KIAA1549: variants seen among roughly 807,000 people sequenced by gnomAD.
KIAA1549 encodes the protein UPF0606 protein KIAA1549.
KIAA1549 carries 70 observed loss-of-function variants against 156.4 expected under a neutral mutation model. That is an observed-to-expected ratio of 0.45 (90% CI 0.37 to 0.55). KIAA1549 has a LOEUF of 0.55. Ranked by LOEUF, KIAA1549 falls within the 20% of genes least tolerant of loss-of-function variation. The pLI, the probability that KIAA1549 is intolerant of heterozygous loss-of-function variation, is 0.00. For synonymous variants in KIAA1549, 1,103 were observed against 1,066.4 expected, an observed-to-expected ratio of 1.03 and a Z score of -0.67; for missense variants, 2,428 against 2,540.9, an observed-to-expected ratio of 0.96 and a Z score of 0.96.
chr7:138,925,346 C>CT (rs1483123669), intron 1 of KIAA1549, among the ~76,000 whole-genome samples: 1 of 152,030 alleles, frequency 6.6e-6, no homozygotes, highest in Admixed American at 6.6e-5. Context: ...TTAATAGATC[C>CT]TTTAAGACCT....
intron 10 of KIAA1549, among the ~76,000 whole-genome samples, chr7:138,888,426 G>C (rs1356247484): frequency 2.0e-5 from 3 of 152,202 alleles, no homozygotes; most frequent in African/African-American, 7.2e-5. Flanking sequence ...TTGAATGCAA[G>C]TCACTTGTTC....
At chr7:138,947,321 T>C (rs1813367672) in intron 1 of KIAA1549, among the ~76,000 whole-genome samples, 1 of 152,186 alleles carries the variant, frequency 6.6e-6, no homozygotes, top group Non-Finnish European at 1.5e-5. Flanking sequence ...GTACATCACT[T>C]AATTTCCCCA....
chr7:138,887,274 A>G (rs1256931715), intron 10 of KIAA1549, among the ~76,000 whole-genome samples: 1 of 152,130 alleles, frequency 6.6e-6, no homozygotes, highest in African/African-American at 2.4e-5. Context: ...ATTTAAATTA[A>G]TTATTAAATA....
chr7:138,853,169 T>C (rs1053916906), intron 16 of KIAA1549, among the ~76,000 whole-genome samples: 3 of 152,226 alleles, frequency 2.0e-5, no homozygotes, highest in Non-Finnish European at 4.4e-5. Flanking sequence ...CGGCAGTCAG[T>C]TGGAACCAAT....
At chr7:138,922,002 C>A (rs987856993) in intron 1 of KIAA1549, among the ~76,000 whole-genome samples, 3 of 152,190 alleles carry the variant, frequency 2.0e-5, no homozygotes, top group Non-Finnish European at 4.4e-5. Flanking sequence ...CAGCAAATCA[C>A]CAGCAGCTAG....
chr7:138,939,993 T>A (rs1045522227), intron 1 of KIAA1549, among the ~76,000 whole-genome samples: 3 of 151,414 alleles, frequency 2.0e-5, no homozygotes, highest in African/African-American at 4.8e-5. Flanking sequence ...CAAAAAAAAT[T>A]TTTTTTTTAA....
chr7:138,970,911 T>C (rs1814201739), intron 1 of KIAA1549, among the ~76,000 whole-genome samples: 1 of 151,824 alleles, frequency 6.6e-6, no homozygotes, highest in South Asian at 2.1e-4. Flanking sequence ...CCCAACACAG[T>C]AAGTGATGAA....
intron 12 of KIAA1549, among the ~76,000 whole-genome samples, chr7:138,875,085 T>C (rs1563058552): frequency 6.6e-6 from 1 of 152,210 alleles, no homozygotes; most frequent in African/African-American, 2.4e-5. Context: ...ATTTATTGCA[T>C]ATTTTCAATT....
intron 17 of KIAA1549, among the ~76,000 whole-genome samples, chr7:138,849,552 TC>T (rs1207197229): frequency 6.6e-6 from 1 of 152,022 alleles, no homozygotes; most frequent in East Asian, 1.9e-4. Context: ...ATAGAAATTT[TC>T]TTTTTTTTTT....
chr7:138,875,519 C>T (rs962988890), intron 12 of KIAA1549, among the ~76,000 whole-genome samples: 1 of 152,052 alleles, frequency 6.6e-6, no homozygotes, highest in African/African-American at 2.4e-5. Flanking sequence ...GTGGTATGCT[C>T]CTGTAGTCCC....
intron 1 of KIAA1549, among the ~76,000 whole-genome samples, chr7:138,959,366 T>C (rs924146066): frequency 4.6e-5 from 7 of 152,124 alleles, no homozygotes; most frequent in South Asian, 2.1e-4. Context: ...ACGCAGTACA[T>C]TGTGCTGGAC....
At chr7:138,965,629 G>A (rs1180153992) in intron 1 of KIAA1549, among the ~76,000 whole-genome samples, 2 of 152,096 alleles carry the variant, frequency 1.3e-5, no homozygotes, top group African/African-American at 2.4e-5. Context: ...TAAAGATTCC[G>A]TGATAAAGTG....
rs1202569770 is a variant in KIAA1549, at chr7:138,931,313, GT to G, written c.188-11876del. On this transcript the variant is annotated intron_variant, in intron 1 of 19. Transcript: ENST00000422774. The stretch of plus-strand genomic sequence containing the variant: ...GAGGGCTACCATGAGCCTTCCATCT[GT>G]AAAAAGCGCAGTATCTGCAAAGTGC... 3.9e-5 allele frequency among the ~76,000 whole-genome samples: 6 copies of G among 152,356 alleles called. No individual in the cohort carries two copies. In the East Asian group the frequency reaches 1.2e-3, roughly 29 times the overall value.
In KIAA1549 at chr7:138,917,345, A is replaced by C. The variant is rs1812362912; in HGVS notation, c.2281T>G (p.Ser761Ala). Reference sequence around the variant, plus strand: ...AGTGCAGTGACTGCGGATTCATGGGAAATGAGTGAAGACTCAAGATAGGAG... The same window carrying C: ...AGTGCAGTGACTGCGGATTCATGGGCAATGAGTGAAGACTCAAGATAGGAG... ...TTSYLESSLI[S>A]HESAVTALVP... is the part of the protein sequence containing the mutation. Residue 761 changes from serine (S) to alanine (A), a missense_variant, in exon 2 of 20, where the codon TCC (serine) becomes GCC (alanine). Transcript: ENST00000422774. The C allele has an allele frequency of 6.2e-7, 1 of 1,613,874 alleles. No individual in the cohort carries two copies. The highest frequency in any genetic ancestry group is 1.3e-5 in the African/African-American group (1 of 74,930).
At chr7:138,890,702 C>T (rs1025362068) in intron 10 of KIAA1549, among the ~76,000 whole-genome samples, 2 of 152,192 alleles carry the variant, frequency 1.3e-5, no homozygotes, top group Non-Finnish European at 2.9e-5. Flanking sequence ...AATGAGCTGA[C>T]CTTGGCTGAG....
rs1814536604 is a variant in KIAA1549 at position 138,981,159 on chromosome 7, G to A, written c.111C>T (p.Ala37=). The A allele has an allele frequency of 8.5e-7, 1 of 1,182,920 alleles. No individual in the cohort carries two copies. The highest frequency in any genetic ancestry group is 4.6e-5 in the Admixed American group (1 of 21,938). 73.3% of individuals were successfully genotyped at this position (1,182,920 alleles called of 1,614,324 possible). A position where few individuals can be genotyped will look rare whatever the true frequency, so the allele number is the denominator to read the frequency against. ...PSGRRPSARC[A]RRRRPGLLLP... ...GCAGCAGCCCCGGGCGGCGGCGGCG[G>A]GCGCAGCGGGCGGAAGGCCGTCGGC... The change falls in exon 1 of 20, where the codon GCC becomes GCT. Residue 37 remains alanine, a synonymous_variant. Coordinates refer to ENST00000422774, the MANE Select transcript of KIAA1549 (RefSeq NM_001164665.2). The surrounding 1 kb of genome is among the most constrained non-coding windows in gnomAD (Gnocchi z 4.5).
chr7:138,883,995 A>G (rs1461535464), intron 10 of KIAA1549, among the ~76,000 whole-genome samples: 2 of 152,204 alleles, frequency 1.3e-5, no homozygotes, highest in East Asian at 1.9e-4. Context: ...ACAGAGCCCC[A>G]GGCATGATAC....
At chr7:138,881,764 C>T (rs1366878706) in intron 10 of KIAA1549, among the ~76,000 whole-genome samples, 180 bp from the exon 11 acceptor site, 1 of 152,170 alleles carries the variant, frequency 6.6e-6, no homozygotes, top group Non-Finnish European at 1.5e-5. Flanking sequence ...AGAAGACAGG[C>T]ACTTGTGAAA....
intron 16 of KIAA1549, among the ~76,000 whole-genome samples, chr7:138,857,668 A>G (rs749957783): frequency 3.3e-5 from 5 of 152,242 alleles, no homozygotes; most frequent in Non-Finnish European, 7.3e-5. Context: ...AAGCTCTAAT[A>G]CTATGCACAT....
Sources: allele counts gnomAD v4.1 joint callset (sites outside exome capture counted in the v4.1 genomes callset), GRCh38; gene constraint gnomAD v4.1.1; non-coding constraint Gnocchi (gnomAD v3.1); transcripts MANE v1.5; gene names NCBI Gene and HGNC (gene_info 2026-07-23, HGNC 2026-07-21).